Variants in ADK observed in about 807,000 individuals in gnomAD.
ADK encodes the protein N6,N6-dimethyladenosine kinase.
Under a neutral mutation model 44.7 loss-of-function variants are expected in ADK, and 24 were observed. The observed-to-expected ratio is 0.54, with a 90% CI of 0.39 to 0.76. The LOEUF (loss-of-function observed/expected upper bound fraction) is 0.76. Ranked by LOEUF, ADK falls within the 30% of genes least tolerant of loss-of-function variation. The pLI is 0.00. For synonymous variants in ADK, 128 were observed against 142.6 expected (o/e 0.90, Z 0.73); for missense variants, 321 against 425.1 (o/e 0.76, Z 2.15).
intron 6 of ADK, among the ~76,000 whole-genome samples, chr10:74,504,578 A>G (rs1229951194): frequency 6.6e-6 from 1 of 152,172 alleles, no homozygotes; most frequent in Non-Finnish European, 1.5e-5. Flanking sequence ...AGAAAAGAAA[A>G]TCATAAGGAA....
chr10:74,411,623 C>T (rs1285542839), intron 6 of ADK, among the ~76,000 whole-genome samples: 1 of 152,186 alleles, frequency 6.6e-6, no homozygotes, highest in East Asian at 1.9e-4. Flanking sequence ...GAGGGTCTTG[C>T]ACCAGTGTTG....
intron 10 of ADK, among the ~76,000 whole-genome samples, chr10:74,704,938 A>G (rs1304692689): frequency 2.6e-5 from 4 of 152,188 alleles, no homozygotes; most frequent in African/African-American, 9.7e-5. Flanking sequence ...GTGATAAAAT[A>G]CTCTTACTAA....
chr10:74,342,098 C>T (rs1042276961), intron 4 of ADK, among the ~76,000 whole-genome samples: 4 of 152,184 alleles, frequency 2.6e-5, no homozygotes, highest in African/African-American at 9.6e-5. Context: ...CTCTCACCCA[C>T]TCAATTATCC....
At chr10:74,373,221 C>T (rs1354626281) in intron 4 of ADK, among the ~76,000 whole-genome samples, 2 of 151,728 alleles carry the variant, frequency 1.3e-5, no homozygotes, top group East Asian at 1.9e-4. Context: ...CGTTAGAAGA[C>T]ATAGGGATAC....
At chr10:74,154,095 C>T (rs1350495116) in intron 1 of ADK, among the ~76,000 whole-genome samples, 2 of 152,040 alleles carry the variant, frequency 1.3e-5, no homozygotes, top group Non-Finnish European at 1.5e-5. Flanking sequence ...AGTAGGGTAT[C>T]TGCCTTATAG....
chr10:74,221,242 C>T (rs1210467421), intron 2 of ADK, among the ~76,000 whole-genome samples: 1 of 151,526 alleles, frequency 6.6e-6, no homozygotes, highest in Admixed American at 6.6e-5. Context: ...AAACAGAGAG[C>T]CAAATCATGA....
intron 6 of ADK, among the ~76,000 whole-genome samples, chr10:74,491,707 A>G (rs1377806356): frequency 6.6e-6 from 1 of 152,304 alleles, no homozygotes; most frequent in African/African-American, 2.4e-5. Context: ...AATTTGATGA[A>G]TGACCTTTCA....
At chr10:74,221,153 AT>A (rs1844291620) in intron 2 of ADK, among the ~76,000 whole-genome samples, 1 of 151,268 alleles carries the variant, frequency 6.6e-6, no homozygotes, top group Middle Eastern at 3.5e-3. Context: ...CCTTAAGCTG[AT>A]AAGCAACTTC....
chr10:74,677,095 A>G (rs1005643803), intron 10 of ADK, among the ~76,000 whole-genome samples: 1 of 152,132 alleles, frequency 6.6e-6, no homozygotes, highest in Non-Finnish European at 1.5e-5. Context: ...AAATAAAAAA[A>G]TTAGCTGGGC....
At chr10:74,229,564 AT>A (rs1201261553) in intron 3 of ADK, among the ~76,000 whole-genome samples, 1 of 151,808 alleles carries the variant, frequency 6.6e-6, no homozygotes, top group East Asian at 1.9e-4. Flanking sequence ...CGCCCGGCTA[AT>A]TTTTTGTATT....
chr10:74,410,467 A>G (rs1235577923), intron 6 of ADK, among the ~76,000 whole-genome samples: 1 of 152,132 alleles, frequency 6.6e-6, no homozygotes, highest in Non-Finnish European at 1.5e-5. Flanking sequence ...TAAGATCAAG[A>G]GTTTGAGACC....
intron 3 of ADK, among the ~76,000 whole-genome samples, chr10:74,275,137 A>G (rs1846623171): frequency 6.6e-6 from 1 of 152,014 alleles, no homozygotes; most frequent in Non-Finnish European, 1.5e-5. Flanking sequence ...AGAATAGATG[A>G]AGTCTTTCTG....
intron 2 of ADK, among the ~76,000 whole-genome samples, chr10:74,206,555 TC>T (rs1162529274): frequency 1.3e-5 from 2 of 152,204 alleles, no homozygotes; most frequent in South Asian, 4.2e-4. Context: ...TGAGTGCTCT[TC>T]CCCCCAGCCT....
At chr10:74,686,173 A>C (rs556789336) in intron 10 of ADK, among the ~76,000 whole-genome samples, 1 of 152,030 alleles carries the variant, frequency 6.6e-6, no homozygotes, top group East Asian at 1.9e-4. Context: ...CATGTTAGCC[A>C]GGATGGTCTC....
intron 1 of ADK, 130 bp downstream of exon 1, chr10:74,151,473 C>T: frequency 1.0e-6 from 1 of 984,332 alleles, no homozygotes; most frequent in Non-Finnish European, 1.5e-6. Flanking sequence ...GCAGGACCTC[C>T]CCCAGCTGCC....
intron 9 of ADK, among the ~76,000 whole-genome samples, chr10:74,666,557 T>G (rs1854962685): frequency 1.3e-5 from 2 of 151,036 alleles, no homozygotes; most frequent in African/African-American, 4.9e-5. Context: ...GTAGAAGTAC[T>G]TGATCAAAAC....
intron 9 of ADK, among the ~76,000 whole-genome samples, chr10:74,648,481 C>T (rs1050002708): frequency 3.3e-5 from 5 of 151,856 alleles, no homozygotes; most frequent in African/African-American, 1.2e-4. Flanking sequence ...AGATCAAGAC[C>T]ATCCTGGCCA....
intron 6 of ADK, among the ~76,000 whole-genome samples, chr10:74,486,583 T>G (rs1847275862): frequency 6.6e-6 from 1 of 152,198 alleles, no homozygotes; most frequent in African/African-American, 2.4e-5. Flanking sequence ...AGTCAAAATT[T>G]ATTTACTTGA....
chr10:74,407,236 A>G (rs1231777662), intron 6 of ADK, among the ~76,000 whole-genome samples: 3 of 152,156 alleles, frequency 2.0e-5, no homozygotes, highest in Admixed American at 6.5e-5. Context: ...GATTGCAGGC[A>G]TGAGCCGCCA....
Sources: gnomAD v4.1 joint callset for allele counts (sites outside exome capture counted in the v4.1 genomes callset) on GRCh38, gnomAD v4.1.1 for gene constraint, MANE v1.5 for transcripts, NCBI Gene and HGNC (gene_info 2026-07-23, HGNC 2026-07-21) for gene names.